Variants in EBF1 observed in about 807,000 individuals in gnomAD.
EBF1 encodes the protein transcription factor COE1.
A neutral mutation model predicts 68.4 loss-of-function variants in EBF1; 10 were observed. The ratio of observed to expected loss-of-function variants is 0.15; its 90% CI spans 0.09 to 0.25. The LOEUF (loss-of-function observed/expected upper bound fraction) is 0.25, where lower values mean the gene tolerates loss of function less well. EBF1 is among the 10% of genes least tolerant of loss of function. The pLI is 1.00. For synonymous variants in EBF1, 298 were observed against 299.8 expected (o/e 0.99, Z 0.06); for missense variants, 509 against 794.4 (o/e 0.64, Z 4.32).
At chr5:158,935,002 A>G (rs1239787923) in intron 6 of EBF1, among the ~76,000 whole-genome samples, 1 of 152,264 alleles carries the variant, frequency 6.6e-6, no homozygotes, top group East Asian at 1.9e-4. Context: ...GGTGCAACCC[A>G]GGCAGGCTGG....
At chr5:158,733,876 C>A (rs770665583) in intron 10 of EBF1, among the ~76,000 whole-genome samples, 6 of 152,110 alleles carry the variant, frequency 3.9e-5, no homozygotes, top group Non-Finnish European at 7.4e-5. Flanking sequence ...TATCTGATTG[C>A]ATTGACTAGA....
At chr5:158,837,204 A>G (rs1460555286) in intron 7 of EBF1, among the ~76,000 whole-genome samples, 6 of 152,180 alleles carry the variant, frequency 3.9e-5, no homozygotes, top group Non-Finnish European at 8.8e-5. Flanking sequence ...GATGTTCTCT[A>G]CTAGCATCTG....
intron 6 of EBF1, among the ~76,000 whole-genome samples, chr5:158,938,346 C>A (rs926181630): frequency 1.3e-5 from 2 of 152,208 alleles, no homozygotes; most frequent in Non-Finnish European, 2.9e-5. Context: ...CCCCCCTCCT[C>A]CCCTCCTCTG....
At chr5:158,850,176 T>C (rs183539945) in intron 6 of EBF1, among the ~76,000 whole-genome samples, 1 of 152,336 alleles carries the variant, frequency 6.6e-6, no homozygotes, top group African/African-American at 2.4e-5. Context: ...TAAAAGGCCA[T>C]ATAACTAAAG....
At position 158,706,191 on chromosome 5, in the gene EBF1, C is replaced by CT. The variant is rs201025630; in HGVS notation, c.1744+1787dup. On this transcript the variant is annotated intron_variant, in intron 15 of 15. Transcript: ENST00000313708. Reference sequence around the variant, plus strand: ...CCTGAAATGCAGTTGCACAGGCACGCTTTTTTTTTTTTTTTCCTCTTTCCT... The same window carrying CT: ...CCTGAAATGCAGTTGCACAGGCACGCTTTTTTTTTTTTTTTTCCTCTTTCCT... Among the ~76,000 whole-genome samples the CT allele has an allele frequency of 2.7e-3, 378 of 137,864 alleles. 2 individuals carry two copies. The highest frequency in any genetic ancestry group is 0.022 in the Middle Eastern group (6 of 270). 90.4% of individuals were successfully genotyped at this position (137,864 alleles called of 152,430 possible). A position where few individuals can be genotyped will look rare whatever the true frequency, so the allele number is the denominator to read the frequency against.
rs1427164566 is a variant in EBF1, at chr5:158,697,737, C to A, written c.*1374G>T. The A allele has an allele frequency of 9.7e-6, 2 of 206,436 alleles. No individual in the cohort carries two copies. Among genetic ancestry groups the A allele is most frequent in the South Asian group, 1.9e-4 (1 of 5,278 alleles). 12.8% of individuals were successfully genotyped at this position (206,436 alleles called of 1,614,324 possible). ...ACATTAAAATGTATAAATAGAACAA[C>A]AACTTTGGCAAAAAATCACAAAAAA... On this transcript the variant is annotated 3_prime_UTR_variant, in exon 16 of 16. Coordinates refer to ENST00000313708, the MANE Select transcript of EBF1 (RefSeq NM_024007.5).
chr5:158,971,725 T>A (rs1755690133), intron 6 of EBF1, among the ~76,000 whole-genome samples: 1 of 151,974 alleles, frequency 6.6e-6, no homozygotes, highest in Non-Finnish European at 1.5e-5. Context: ...ATAAGAAGAT[T>A]TTTACTGTGG....
At chr5:158,740,337 TATC>T (rs1766067820) in intron 10 of EBF1, among the ~76,000 whole-genome samples, 1 of 152,148 alleles carries the variant, frequency 6.6e-6, no homozygotes, top group Admixed American at 6.5e-5. Flanking sequence ...TGATTGTTAA[TATC>T]ATGGTTTTAT....
chr5:158,980,262 C>T lies in EBF1; in HGVS notation c.554+93134G>A, dbSNP rs188742532. ...AGTCCTCACCCTGAACGTGTGCTTG[C>T]CTTTTGTTCTTTGGAGAGACTTCTC... On this transcript the variant is annotated intron_variant, in intron 6 of 15. Transcript: ENST00000313708. Among the ~76,000 whole-genome samples the T allele has an allele frequency of 1.8e-3, 268 of 152,334 alleles. 1 individual carries two copies. The highest frequency in any genetic ancestry group is 6.0e-3 in the African/African-American group (250 of 41,576).
chr5:158,764,813 G>T (rs1772296211), intron 10 of EBF1, among the ~76,000 whole-genome samples: 1 of 152,108 alleles, frequency 6.6e-6, no homozygotes, highest in Non-Finnish European at 1.5e-5. Flanking sequence ...ATATTGAAAG[G>T]TATAATCAAC....
chr5:159,015,306 C>T (rs1765429046), intron 6 of EBF1, among the ~76,000 whole-genome samples: 1 of 152,204 alleles, frequency 6.6e-6, no homozygotes, highest in South Asian at 2.1e-4. Context: ...CAACAGAACT[C>T]ATGGTGAACT....
At chr5:159,020,578 C>G (rs143158938) in intron 6 of EBF1, among the ~76,000 whole-genome samples, 1 of 152,180 alleles carries the variant, frequency 6.6e-6, no homozygotes, top group Non-Finnish European at 1.5e-5. Flanking sequence ...ATTTCCTGCA[C>G]GCTCTGTGGC....
chr5:158,877,096 A>T (rs1797951279), intron 6 of EBF1, among the ~76,000 whole-genome samples: 1 of 151,728 alleles, frequency 6.6e-6, no homozygotes, highest in Admixed American at 6.6e-5. Flanking sequence ...ATCTCCACCA[A>T]CTCCTTTTCC....
At chr5:158,912,809 T>C (rs1261406546) in intron 6 of EBF1, among the ~76,000 whole-genome samples, 1 of 152,164 alleles carries the variant, frequency 6.6e-6, no homozygotes, top group East Asian at 1.9e-4. Flanking sequence ...CTGTCCTTCC[T>C]ACTCTCTATC....
intron 6 of EBF1, among the ~76,000 whole-genome samples, chr5:158,994,578 G>A (rs1761039312): frequency 6.6e-6 from 1 of 152,146 alleles, no homozygotes; most frequent in Admixed American, 6.5e-5. Flanking sequence ...AATATTTCTT[G>A]GAACTCTACG....
At chr5:158,962,544 T>G (rs1052013446) in intron 6 of EBF1, among the ~76,000 whole-genome samples, 2 of 152,094 alleles carry the variant, frequency 1.3e-5, no homozygotes, top group African/African-American at 4.8e-5. Flanking sequence ...TAAACCAGAG[T>G]GTCATTATAG....
intron 8 of EBF1, among the ~76,000 whole-genome samples, chr5:158,801,905 C>T (rs997893618): frequency 1.3e-5 from 2 of 152,248 alleles, no homozygotes; most frequent in South Asian, 4.2e-4. Context: ...CCTGCACACT[C>T]GCACTGGGAG....
chr5:158,895,529 T>C (rs1011721703), intron 6 of EBF1, among the ~76,000 whole-genome samples: 1 of 152,186 alleles, frequency 6.6e-6, no homozygotes, highest in Non-Finnish European at 1.5e-5. Context: ...TGCCAAATAT[T>C]ATGCATAATC....
At chr5:158,958,766 C>A (rs1817623434) in intron 6 of EBF1, among the ~76,000 whole-genome samples, 1 of 152,122 alleles carries the variant, frequency 6.6e-6, no homozygotes, top group Admixed American at 6.5e-5. Context: ...ATGAGAGACT[C>A]TTACACAACC....
Sources: gnomAD v4.1 joint callset for allele counts (sites outside exome capture counted in the v4.1 genomes callset) on GRCh38, gnomAD v4.1.1 for gene constraint, MANE v1.5 for transcripts, NCBI Gene and HGNC (gene_info 2026-07-23, HGNC 2026-07-21) for gene names.